The following ELF1 variants were observed in gnomAD, a reference collection of about 807,000 sequenced individuals.
The protein encoded by ELF1 is ETS-related transcription factor Elf-1.
A neutral mutation model predicts 59.9 loss-of-function variants in ELF1; 24 were observed. That is an observed-to-expected ratio of 0.40 (90% CI 0.29 to 0.56). ELF1 has a LOEUF of 0.56. ELF1 is among the 20% of genes least tolerant of loss of function. The pLI is 0.44. For missense variants in ELF1, 627 were observed against 742.2 expected (o/e 0.84, Z 1.80); for synonymous variants, 248 against 266.2 (o/e 0.93, Z 0.67).
intron 2 of ELF1, among the ~76,000 whole-genome samples, chr13:40,961,224 C>T (rs1473877797): frequency 3.3e-5 from 5 of 152,124 alleles, no homozygotes; most frequent in African/African-American, 9.7e-5. Flanking sequence ...TCCTTGCCTT[C>T]GAGAATGCTA....
chr13:41,018,150 T>C (rs1328657254), intron 1 of ELF1, among the ~76,000 whole-genome samples: 2 of 152,212 alleles, frequency 1.3e-5, no homozygotes, highest in Non-Finnish European at 2.9e-5. Context: ...AAGTTTTATA[T>C]CCAAAAACTT....
At chr13:41,036,116 C>T (rs1381823296) in intron 1 of ELF1, among the ~76,000 whole-genome samples, 5 of 151,874 alleles carry the variant, frequency 3.3e-5, no homozygotes, top group Non-Finnish European at 5.9e-5. Context: ...CAGGATTTCA[C>T]CGTGTTAGCC....
intron 1 of ELF1, among the ~76,000 whole-genome samples, chr13:41,040,244 C>T (rs1318688928): frequency 2.0e-5 from 3 of 152,116 alleles, no homozygotes; most frequent in African/African-American, 7.2e-5. Flanking sequence ...TAGAAACAAA[C>T]TATTATGTAA....
intron 8 of ELF1, among the ~76,000 whole-genome samples, chr13:40,936,711 A>C (rs1302272252): frequency 1.4e-5 from 2 of 145,812 alleles, no homozygotes; most frequent in African/African-American, 5.0e-5. Flanking sequence ...CAGTGAGCCG[A>C]GATCGCGCCA....
upstream of ELF1, among the ~76,000 whole-genome samples, chr13:41,023,952 G>C (rs183283521): frequency 1.2e-3 from 179 of 152,278 alleles, 1 homozygote; most frequent in East Asian, 6.8e-3. Context: ...TGGCCCCTAT[G>C]ACTTGATATA....
chr13:40,993,258 G>A, intron 1 of ELF1: 2 of 1,581,800 alleles, frequency 1.3e-6, no homozygotes, highest in Admixed American at 1.7e-5. Context: ...AACAGATGTT[G>A]TTGGGCCTCT....
At chr13:41,029,814 T>A (rs1876093744) in intron 1 of ELF1, among the ~76,000 whole-genome samples, 1 of 152,056 alleles carries the variant, frequency 6.6e-6, no homozygotes, top group African/African-American at 2.4e-5. Context: ...GCGCCCTCCT[T>A]CTCCAGCAAC....
chr13:41,034,365 T>G (rs1240738311), intron 1 of ELF1, among the ~76,000 whole-genome samples: 1 of 152,224 alleles, frequency 6.6e-6, no homozygotes, highest in Non-Finnish European at 1.5e-5. Context: ...TTCATCACTA[T>G]ACTATGACTG....
intron 1 of ELF1, chr13:40,993,316 T>G (rs1873961283): frequency 6.6e-7 from 1 of 1,508,794 alleles, no homozygotes; most frequent in Non-Finnish European, 9.2e-7. Flanking sequence ...ATTTTGGGAC[T>G]GCTGCCTTTT....
chr13:40,938,578 C>A (rs1331630047), intron 8 of ELF1, among the ~76,000 whole-genome samples: 2 of 152,142 alleles, frequency 1.3e-5, no homozygotes, highest in Non-Finnish European at 2.9e-5. Context: ...CCTGGTCTCT[C>A]CTTGCTTCAG....
chr13:40,969,512 C>T (rs1872393208), intron 2 of ELF1, among the ~76,000 whole-genome samples: 1 of 152,154 alleles, frequency 6.6e-6, no homozygotes, highest in African/African-American at 2.4e-5. Context: ...ATATAAAATG[C>T]ATATCACGTG....
intron 2 of ELF1, among the ~76,000 whole-genome samples, chr13:40,960,134 T>C (rs549087870): frequency 6.6e-6 from 1 of 152,288 alleles, no homozygotes; most frequent in East Asian, 1.9e-4. Context: ...GTTAATTTCC[T>C]AAATATAAAA....
chr13:40,955,340 C>A (rs1229171467), intron 3 of ELF1, among the ~76,000 whole-genome samples: 1 of 145,554 alleles, frequency 6.9e-6, no homozygotes, highest in African/African-American at 2.6e-5. Context: ...GTTAGCCCCC[C>A]ACCCGGCCAG....
At position 40,953,296 on chromosome 13, in the gene ELF1, A is replaced by G. The variant is rs76492943; in HGVS notation, c.254-1860T>C. On this transcript the variant is annotated intron_variant, in intron 3 of 8. Coordinates refer to ENST00000239882, the MANE Select transcript of ELF1 (RefSeq NM_172373.4). ...CGGCCTACAGTAATTCTTTAATATC[A>G]TCTATTATAGGCTGAATGGTATCCC... is the stretch of plus-strand genomic sequence containing the variant. 6.7e-3 allele frequency among the ~76,000 whole-genome samples: 1,017 copies of G among 152,234 alleles called. 8 individuals carry two copies. Among genetic ancestry groups the G allele is most frequent in the African/African-American group, 0.023 (970 of 41,538 alleles).
chr13:40,995,671 A>T (rs921423740), intron 1 of ELF1, among the ~76,000 whole-genome samples: 1 of 152,086 alleles, frequency 6.6e-6, no homozygotes, highest in Non-Finnish European at 1.5e-5. Context: ...TTAAAAAAAA[A>T]AAAAAGAATC....
chr13:40,951,486 C>T (rs754667742), intron 3 of ELF1, 50 bp from the exon 4 acceptor site: 2 of 1,463,252 alleles, frequency 1.4e-6, no homozygotes, highest in Admixed American at 1.7e-5. Flanking sequence ...ACATCTGTTA[C>T]TCTGAAAGTC....
intron 3 of ELF1, among the ~76,000 whole-genome samples, chr13:40,955,541 A>C (rs867658794): frequency 4.0e-4 from 1 of 2,492 alleles, no homozygotes; most frequent in East Asian, 0.014. Flanking sequence ...CCGTCCGGGA[A>C]GTAGGTGGGG....
chr13:41,060,423 G>A (rs532895513), intron 1 of ELF1, among the ~76,000 whole-genome samples: 5 of 152,284 alleles, frequency 3.3e-5, no homozygotes, highest in South Asian at 2.1e-4. Flanking sequence ...ATCACCTCCC[G>A]GGCGTCTGGA....
chr13:41,058,364 G>C (rs1877365206), intron 1 of ELF1, among the ~76,000 whole-genome samples: 1 of 152,074 alleles, frequency 6.6e-6, no homozygotes, highest in East Asian at 1.9e-4. Context: ...TCCCCAACAG[G>C]AGAAATCCAA....
Sources: gnomAD v4.1 joint callset for allele counts (sites outside exome capture counted in the v4.1 genomes callset) on GRCh38, gnomAD v4.1.1 for gene constraint, MANE v1.5 for transcripts, NCBI Gene and HGNC (gene_info 2026-07-23, HGNC 2026-07-21) for gene names.